The following ZAP70 variants were observed in gnomAD, a reference collection of about 807,000 sequenced individuals.
ZAP70 encodes the protein tyrosine-protein kinase ZAP-70.
A neutral mutation model predicts 65.8 loss-of-function variants in ZAP70; 27 were observed. The observed-to-expected ratio is 0.41, with a 90% CI of 0.30 to 0.57. The LOEUF (loss-of-function observed/expected upper bound fraction) is 0.57, where lower values mean the gene tolerates loss of function less well. Among genes scored for constraint, ZAP70 ranks in the 20% least tolerant of loss-of-function variants. ZAP70 has a pLI of 0.28. For missense variants in ZAP70, 696 were observed against 870.5 expected (o/e 0.80, Z 2.52); for synonymous variants, 363 against 360.8 (o/e 1.01, Z -0.07).
At chr2:97,717,751 T>A (rs1676996415) in intron 2 of ZAP70, among the ~76,000 whole-genome samples, 1 of 152,244 alleles carries the variant, frequency 6.6e-6, no homozygotes, top group Non-Finnish European at 1.5e-5. Context: ...TTTGAAACTG[T>A]ATTTGACCCC....
chr2:97,737,370 A>T lies in ZAP70; in HGVS notation c.1290-103A>T. The T allele has an allele frequency of 7.8e-7, 1 of 1,282,066 alleles. No individual in the cohort carries two copies. Among genetic ancestry groups the T allele is most frequent in the Non-Finnish European group, 1.1e-6 (1 of 891,590 alleles). The allele number at this position is 1,282,066 out of a possible 1,614,324, so 79.4% of individuals were successfully genotyped here. A position where few individuals can be genotyped will look rare whatever the true frequency, so the allele number is the denominator to read the frequency against. On this transcript the variant is annotated intron_variant, in intron 10 of 13. Coordinates refer to ENST00000264972, the MANE Select transcript of ZAP70 (RefSeq NM_001079.4). This position sits in a 1 kb window ranked among gnomAD's most constrained non-coding sequence, Gnocchi z 5.0. The stretch of plus-strand genomic sequence containing the variant: ...GTGCTCAATAAGCGTTTTTGAACAC[A>T]TGGTCACCTGGCTCATGCCCAGCTG...
chr2:97,749,729 T>C, the ZAP70 span, among the ~76,000 whole-genome samples: 1 of 152,178 alleles, frequency 6.6e-6, no homozygotes, highest in Non-Finnish European at 1.5e-5. Context: ...CCAAATCCAG[T>C]CCCTCTAAGA....
intron 2 of ZAP70, among the ~76,000 whole-genome samples, chr2:97,717,541 G>A (rs941920029): frequency 1.1e-4 from 17 of 152,200 alleles, no homozygotes; most frequent in East Asian, 1.9e-4. Context: ...GCTCCTGCCC[G>A]CTCCCACCAG....
chr2:97,746,267 T>C, the ZAP70 span, among the ~76,000 whole-genome samples: 1 of 152,186 alleles, frequency 6.6e-6, no homozygotes, highest in African/African-American at 2.4e-5. Context: ...CACAACACTG[T>C]GAATGTAATT....
chr2:97,724,884 G>A (rs1241977529), intron 3 of ZAP70: 3 of 1,531,574 alleles, frequency 2.0e-6, no homozygotes, highest in Non-Finnish European at 2.6e-6. Context: ...GCTTGGGGCC[G>A]CGCTGGAAGG....
intron 2 of ZAP70, among the ~76,000 whole-genome samples, chr2:97,719,141 GACT>G (rs1453077571): frequency 1.3e-5 from 2 of 152,166 alleles, no homozygotes; most frequent in African/African-American, 2.4e-5. Context: ...TGTGGAAATA[GACT>G]GTGAGGTTCA....
chr2:97,733,363 A>G lies in ZAP70; in HGVS notation c.837+20A>G, dbSNP rs1290979684. The G allele has an allele frequency of 1.3e-6, 2 of 1,590,042 alleles. No homozygotes were observed. The highest frequency in any genetic ancestry group is 1.7e-6 in the Non-Finnish European group (2 of 1,166,754). On this transcript the variant is annotated intron_variant, in intron 7 of 13. Coordinates refer to ENST00000264972, the MANE Select transcript of ZAP70 (RefSeq NM_001079.4). Reference sequence around the variant, plus strand: ...ACTCATGTGAGTTGGGGGCACCTGGAGTGTGGCCTTGGGGATGGAGCTGGG... The same window carrying G: ...ACTCATGTGAGTTGGGGGCACCTGGGGTGTGGCCTTGGGGATGGAGCTGGG...
Position 97,737,345 on chromosome 2 carries a change from G to T in ZAP70, c.1290-128G>T. On this transcript the variant is annotated intron_variant, in intron 10 of 13. Transcript: ENST00000264972. The surrounding 1 kb of genome is among the most constrained non-coding windows in gnomAD (Gnocchi z 5.0). Reference sequence around the variant, plus strand: ...CAGCCCCACGCCTGGCACACAGCAGGTGCTCAATAAGCGTTTTTGAACACA... The same window carrying T: ...CAGCCCCACGCCTGGCACACAGCAGTTGCTCAATAAGCGTTTTTGAACACA... 3.2e-6 allele frequency: 3 copies of T among 939,826 alleles called. 1 individual carries two copies. In the South Asian group the frequency reaches 4.3e-5, roughly 13 times the overall value. 58.2% of individuals were successfully genotyped at this position (939,826 alleles called of 1,614,324 possible). A position where few individuals can be genotyped will look rare whatever the true frequency, so the allele number is the denominator to read the frequency against.
intron 10 of ZAP70, 26 bp downstream of exon 10, chr2:97,735,482 C>T (rs1307545681): frequency 6.4e-6 from 7 of 1,092,302 alleles, no homozygotes; most frequent in East Asian, 4.0e-5. Context: ...GCCCGGCCAT[C>T]GGGTGGGTGG....
the ZAP70 span, among the ~76,000 whole-genome samples, chr2:97,747,396 G>A: frequency 6.6e-6 from 1 of 152,204 alleles, no homozygotes; most frequent in Non-Finnish European, 1.5e-5. Flanking sequence ...AAGGAATGAA[G>A]TACTGATACA....
In ZAP70 at chr2:97,715,915, A is replaced by G; in HGVS notation, c.-22+1921A>G. Among the ~76,000 whole-genome samples, 1 of 152,200 alleles carries G rather than the reference A, an allele frequency of 6.6e-6. No homozygotes were observed. Among genetic ancestry groups the G allele is most frequent in the East Asian group, 1.9e-4 (1 of 5,204 alleles). ...TTGTGGGGAGGAAGCAGGAGCTTCC[A>G]TAGAAAACAAGACAGAGCCGTGGGC... On this transcript the variant is annotated intron_variant, in intron 2 of 13. Transcript: ENST00000264972. This position sits in a 1 kb window ranked among gnomAD's most constrained non-coding sequence, Gnocchi z 4.1.
the ZAP70 span, among the ~76,000 whole-genome samples, chr2:97,753,800 C>T: frequency 6.6e-6 from 1 of 151,928 alleles, no homozygotes; most frequent in Non-Finnish European, 1.5e-5. Flanking sequence ...AGCAAGACCT[C>T]ATCCCTATAA....
chr2:97,734,063 G>A (rs1573281579), intron 8 of ZAP70: 1 of 279,380 alleles, frequency 3.6e-6, no homozygotes, highest in East Asian at 8.5e-5. Context: ...TCTGCTGCGG[G>A]TGCTCCTGTT....
intron 2 of ZAP70, among the ~76,000 whole-genome samples, chr2:97,721,363 C>G (rs923131192): frequency 4.6e-5 from 7 of 152,132 alleles, no homozygotes; most frequent in African/African-American, 1.7e-4. Context: ...ACACATTTTC[C>G]CACCGAGGCT....
intron 2 of ZAP70, among the ~76,000 whole-genome samples, chr2:97,720,131 C>T (rs558819962): frequency 2.0e-4 from 30 of 152,136 alleles, no homozygotes; most frequent in Non-Finnish European, 2.5e-4. Flanking sequence ...GTGGCTAGTA[C>T]GGCTATAAAT....
Position 97,735,389 on chromosome 2 carries a change from G to A in ZAP70, c.1222G>A (p.Glu408Lys), listed in dbSNP as rs1677827598. 2.5e-6 allele frequency: 4 copies of A among 1,614,078 alleles called. No individual in the cohort carries two copies. Among genetic ancestry groups the A allele is most frequent in the South Asian group, 1.1e-5 (1 of 91,090 alleles). ...GCGGCTCATTGGCGTCTGCCAGGCC[G>A]AGGCCCTCATGCTGGTCATGGAGAT... ...IVRLIGVCQA[E>K]ALMLVMEMAG... Residue 408 changes from glutamate (E) to lysine (K), a missense_variant, in exon 10 of 14, where the codon GAG (glutamate) becomes AAG (lysine). Transcript: ENST00000264972.
intron 8 of ZAP70, 36 bp from the exon 9 acceptor site, chr2:97,734,484 C>T (rs1677756202): frequency 6.3e-7 from 1 of 1,597,312 alleles, no homozygotes; most frequent in Non-Finnish European, 8.5e-7. Flanking sequence ...CACACCCCTG[C>T]CCCTGACCTG....
chr2:97,726,079 A>G (rs1239206241), intron 4 of ZAP70, among the ~76,000 whole-genome samples: 2 of 152,158 alleles, frequency 1.3e-5, no homozygotes, highest in Admixed American at 1.3e-4. Context: ...AGGATCCTCT[A>G]TGAGGATTAC....
At chr2:97,754,146 G>C in the ZAP70 span, among the ~76,000 whole-genome samples, 4 of 152,162 alleles carry the variant, frequency 2.6e-5, no homozygotes, top group Non-Finnish European at 5.9e-5. Context: ...GATTTGGTGG[G>C]TATGTTGCCA....
Sources: gnomAD v4.1 joint callset for allele counts (sites outside exome capture counted in the v4.1 genomes callset) on GRCh38, gnomAD v4.1.1 for gene constraint, Gnocchi (gnomAD v3.1) non-coding constraint, MANE v1.5 for transcripts, NCBI Gene and HGNC (gene_info 2026-07-23, HGNC 2026-07-21) for gene names.